ELMO1: variants seen among roughly 807,000 people sequenced by gnomAD.
The protein encoded by ELMO1 is engulfment and cell motility 1.
In ELMO1, 26 loss-of-function variants were observed where a neutral mutation model predicts 98.9. That is an observed-to-expected ratio of 0.26 (90% CI 0.19 to 0.36). The LOEUF is 0.36. ELMO1 is among the 10% of genes least tolerant of loss of function. The pLI, the probability that ELMO1 is intolerant of heterozygous loss-of-function variation, is 1.00. For missense variants in ELMO1, 627 were observed against 935.2 expected, an observed-to-expected ratio of 0.67 and a Z score of 4.30; for synonymous variants, 346 against 346.0, an observed-to-expected ratio of 1.00 and a Z score of 0.00.
intron 16 of ELMO1, among the ~76,000 whole-genome samples, chr7:36,983,912 A>C (rs941953763): frequency 6.6e-6 from 1 of 151,660 alleles, no homozygotes; most frequent in African/African-American, 2.4e-5. Context: ...CATAGCTTTC[A>C]CATTCTTAAA....
At chr7:37,014,931 C>G (rs1793824771) in intron 15 of ELMO1, among the ~76,000 whole-genome samples, 1 of 151,812 alleles carries the variant, frequency 6.6e-6, no homozygotes, top group Non-Finnish European at 1.5e-5. Flanking sequence ...GAGCAGGCCC[C>G]CAGTGAACAA....
At chr7:37,224,283 GAAAGAAGGGGAAAAATGCCTC>G (rs1793751017) in intron 9 of ELMO1, among the ~76,000 whole-genome samples, 1 of 152,150 alleles carries the variant, frequency 6.6e-6, no homozygotes. Flanking sequence ...CCTCAGGGAG[GAAAGAAGGGGAAAAATGCCTC>G]AAAGACTGCA....
At chr7:36,908,370 G>A (rs1449645065) in intron 16 of ELMO1, among the ~76,000 whole-genome samples, 1 of 152,052 alleles carries the variant, frequency 6.6e-6, no homozygotes, top group East Asian at 1.9e-4. Flanking sequence ...CAATGTCTAA[G>A]GAACTTTCTT....
chr7:37,390,295 T>C (rs1035268014), intron 1 of ELMO1, among the ~76,000 whole-genome samples: 25 of 152,192 alleles, frequency 1.6e-4, no homozygotes, highest in Non-Finnish European at 3.7e-4. Context: ...GCCACTTGCA[T>C]GGAGTATGAA....
intron 14 of ELMO1, among the ~76,000 whole-genome samples, chr7:37,098,991 C>T (rs1321549780): frequency 1.3e-5 from 2 of 152,342 alleles, no homozygotes; most frequent in East Asian, 3.9e-4. Flanking sequence ...TTTAATGAGG[C>T]TGTGATCTGC....
intron 1 of ELMO1, among the ~76,000 whole-genome samples, chr7:37,355,793 C>T (rs1027627224): frequency 2.0e-5 from 3 of 152,178 alleles, no homozygotes; most frequent in Admixed American, 6.5e-5. Flanking sequence ...ATCCTTTCTC[C>T]GCAAGGAGAA....
intron 16 of ELMO1, among the ~76,000 whole-genome samples, chr7:37,005,107 C>CAAAAAAAAAAAAAAAAAAAA (rs35665315): frequency 2.6e-5 from 1 of 38,292 alleles, no homozygotes; most frequent in Non-Finnish European, 6.2e-5. Context: ...GGCTCTGTCT[C>CAAAAAAAAAAAAAAAAAAAA]AAAAAAAAAA....
chr7:37,447,201 A>G (rs1805653127), intron 1 of ELMO1, among the ~76,000 whole-genome samples: 1 of 152,176 alleles, frequency 6.6e-6, no homozygotes, highest in East Asian at 1.9e-4. Context: ...TTTGGTGTGT[A>G]AATACAGGTC....
At chr7:37,316,050 A>T (rs909036271) in intron 2 of ELMO1, 90 bp from the exon 3 acceptor site, 2 of 1,039,560 alleles carry the variant, frequency 1.9e-6, no homozygotes, top group Admixed American at 4.6e-5. Flanking sequence ...AAGATTATCT[A>T]AGCAAAGAGA....
chr7:37,046,961 C>T (rs1795829333), intron 15 of ELMO1, among the ~76,000 whole-genome samples: 1 of 152,132 alleles, frequency 6.6e-6, no homozygotes, highest in African/African-American at 2.4e-5. Context: ...AGAAATTTTC[C>T]CTCTATGTTT....
intron 20 of ELMO1, among the ~76,000 whole-genome samples, chr7:36,866,111 A>G (rs1803015235): frequency 6.6e-6 from 1 of 152,236 alleles, no homozygotes; most frequent in Non-Finnish European, 1.5e-5. Context: ...TTTCATGTTG[A>G]CTGTTGACCT....
chr7:37,243,732 T>C (rs1173962394), intron 7 of ELMO1, among the ~76,000 whole-genome samples: 2 of 152,184 alleles, frequency 1.3e-5, no homozygotes, highest in Admixed American at 6.5e-5. Flanking sequence ...CTTGGCACCA[T>C]GAAAATCTGT....
At chr7:37,136,484 G>A (rs1787272299) in intron 13 of ELMO1, among the ~76,000 whole-genome samples, 1 of 152,138 alleles carries the variant, frequency 6.6e-6, no homozygotes, top group Non-Finnish European at 1.5e-5. Context: ...AAAGTATCAG[G>A]TAACCTATAA....
At chr7:36,882,687 A>C (rs1398784083) in intron 18 of ELMO1, among the ~76,000 whole-genome samples, 1 of 152,184 alleles carries the variant, frequency 6.6e-6, no homozygotes, top group Non-Finnish European at 1.5e-5. Flanking sequence ...AATTGTAAAA[A>C]CTTCAGAAAT....
intron 15 of ELMO1, among the ~76,000 whole-genome samples, chr7:37,047,281 T>TA (rs1239294572): frequency 1.3e-5 from 2 of 152,224 alleles, no homozygotes; most frequent in African/African-American, 4.8e-5. Flanking sequence ...AATAGCTCAT[T>TA]AATCGGTGTT....
rs1241596003 is a variant in ELMO1, at chr7:37,335,199, A to G, written c.78+7414T>C. Among the ~76,000 whole-genome samples, 3 of 152,254 alleles carry G rather than the reference A, an allele frequency of 2.0e-5. No homozygotes were observed. The South Asian group carries it at 6.2e-4, about 31-fold the overall frequency. On this transcript the variant is annotated intron_variant, in intron 2 of 21. Transcript: ENST00000310758. Reference sequence around the variant, plus strand: ...TATAAGAAATTAGAAAACTGGAGAAAAGACTGCATTATAATGCGATCAGAA... The same window carrying G: ...TATAAGAAATTAGAAAACTGGAGAAGAGACTGCATTATAATGCGATCAGAA...
intron 6 of ELMO1, among the ~76,000 whole-genome samples, chr7:37,247,644 G>C (rs1425159446): frequency 6.6e-6 from 1 of 152,102 alleles, no homozygotes; most frequent in African/African-American, 2.4e-5. Flanking sequence ...CTATAAAATG[G>C]CTGACCTATA....
chr7:37,222,665 T>C lies in ELMO1; in HGVS notation c.730A>G (p.Ile244Val), dbSNP rs760286433. The C allele has an allele frequency of 6.2e-7, 1 of 1,613,968 alleles. No homozygotes were observed. The highest frequency in any genetic ancestry group is 8.5e-7 in the Non-Finnish European group (1 of 1,179,910). The change falls in exon 10 of 22, where the codon ATT (isoleucine) becomes GTT (valine). Residue 244 changes from isoleucine to valine, a missense_variant. Coordinates refer to ENST00000310758, the MANE Select transcript of ELMO1 (RefSeq NM_014800.11). Reference sequence around the variant, plus strand: ...AGGAAAAGCGCATTAATCACTGCAATAGTATAGGTTTGGATTTCTTGATCT... The same window carrying C: ...AGGAAAAGCGCATTAATCACTGCAACAGTATAGGTTTGGATTTCTTGATCT... ...GSDQEIQTYTIAVINALFLKA... is the reference protein window; with the variant it reads ...GSDQEIQTYTVAVINALFLKA...
chr7:37,133,711 G>A (rs1469330164), intron 13 of ELMO1, among the ~76,000 whole-genome samples: 1 of 152,056 alleles, frequency 6.6e-6, no homozygotes, highest in African/African-American at 2.4e-5. Context: ...TACATTGATG[G>A]GCTTTGTGAA....
Sources: allele counts gnomAD v4.1 joint callset (sites outside exome capture counted in the v4.1 genomes callset), GRCh38; gene constraint gnomAD v4.1.1; transcripts MANE v1.5; gene names NCBI Gene and HGNC (gene_info 2026-07-23, HGNC 2026-07-21).